The following GLIS3 variants were observed in gnomAD, a reference collection of about 807,000 sequenced individuals.
GLIS3 encodes GLIS family zinc finger 3.
Under a neutral mutation model 78.6 loss-of-function variants are expected in GLIS3, and 53 were observed. That is an observed-to-expected ratio of 0.67 (90% CI 0.54 to 0.85). The LOEUF (loss-of-function observed/expected upper bound fraction) is 0.85, where lower values mean the gene tolerates loss of function less well. Among genes scored for constraint, GLIS3 ranks in the 40% least tolerant of loss-of-function variants. The pLI is 0.00. For missense variants in GLIS3, 1,703 were observed against 1,231.1 expected, an observed-to-expected ratio of 1.38 and a Z score of -5.74; for synonymous variants, 684 against 509.9, an observed-to-expected ratio of 1.34 and a Z score of -4.60.
chr9:4,408,075 G>C, the GLIS3 span, among the ~76,000 whole-genome samples: 1 of 152,132 alleles, frequency 6.6e-6, no homozygotes, highest in Non-Finnish European at 1.5e-5. Flanking sequence ...GATATCGTAT[G>C]ACCCCAGTTA....
At chr9:3,960,536 G>C (rs548236242) in intron 4 of GLIS3, among the ~76,000 whole-genome samples, 95 of 152,266 alleles carry the variant, frequency 6.2e-4, no homozygotes, top group Non-Finnish European at 1.2e-3. Context: ...GTCTTCTCTT[G>C]CTTTGTTCAT....
intron 2 of GLIS3, among the ~76,000 whole-genome samples, chr9:4,280,752 C>A (rs1563889931): frequency 6.6e-6 from 1 of 151,904 alleles, no homozygotes; most frequent in African/African-American, 2.4e-5. Flanking sequence ...TTCCTCCTCA[C>A]TCTTCTCAGA....
At chr9:4,089,813 G>C (rs1010315461) in intron 4 of GLIS3, among the ~76,000 whole-genome samples, 1 of 152,036 alleles carries the variant, frequency 6.6e-6, no homozygotes, top group Non-Finnish European at 1.5e-5. Context: ...ACAAGACCCT[G>C]ACAAAAACAA....
At chr9:3,869,665 C>T (rs1456973801) in intron 8 of GLIS3, among the ~76,000 whole-genome samples, 1 of 152,178 alleles carries the variant, frequency 6.6e-6, no homozygotes, top group Non-Finnish European at 1.5e-5. Flanking sequence ...CTGGGACCTG[C>T]CAATGACCTC....
At chr9:3,907,004 C>T (rs949608181) in intron 6 of GLIS3, among the ~76,000 whole-genome samples, 4 of 152,182 alleles carry the variant, frequency 2.6e-5, no homozygotes, top group South Asian at 2.1e-4. Context: ...GAAACCTCCC[C>T]TGACCAGACC....
At chr9:3,883,373 T>C (rs1278557522) in intron 7 of GLIS3, among the ~76,000 whole-genome samples, 2 of 152,240 alleles carry the variant, frequency 1.3e-5, no homozygotes, top group Non-Finnish European at 2.9e-5. Flanking sequence ...AGTCTGAATA[T>C]CTGCCGACTT....
At chr9:4,188,120 A>C (rs1385145575) in intron 2 of GLIS3, among the ~76,000 whole-genome samples, 1 of 151,350 alleles carries the variant, frequency 6.6e-6, no homozygotes, top group Non-Finnish European at 1.5e-5. Context: ...TCAGTATGAT[A>C]TTGGCTGTGG....
chr9:4,314,080 G>T (rs375562979), intron 2 of GLIS3, among the ~76,000 whole-genome samples: 1 of 152,192 alleles, frequency 6.6e-6, no homozygotes, highest in Admixed American at 6.5e-5. Flanking sequence ...GTGACCCGGG[G>T]CAAGTAACTT....
chr9:4,011,609 T>C (rs1563945894), intron 4 of GLIS3, among the ~76,000 whole-genome samples: 1 of 152,192 alleles, frequency 6.6e-6, no homozygotes, highest in African/African-American at 2.4e-5. Flanking sequence ...ACCTGCTGAA[T>C]AGTGGCGAAC....
chr9:4,088,101 C>A (rs985842640), intron 4 of GLIS3, among the ~76,000 whole-genome samples: 2 of 152,092 alleles, frequency 1.3e-5, no homozygotes, highest in African/African-American at 4.8e-5. Context: ...TTGTCTTCAA[C>A]CCCAACATAA....
chr9:4,196,080 ACT>A (rs1308352596), intron 2 of GLIS3, among the ~76,000 whole-genome samples: 1 of 149,926 alleles, frequency 6.7e-6, no homozygotes, highest in Non-Finnish European at 1.5e-5. Context: ...ACCAATCAGC[ACT>A]CTGTCTAGCT....
At chr9:4,464,387 T>C in the GLIS3 span, among the ~76,000 whole-genome samples, 4 of 151,580 alleles carry the variant, frequency 2.6e-5, no homozygotes, top group African/African-American at 9.7e-5. Context: ...AATTTTATTT[T>C]TTTAATTTTA....
chr9:4,410,072 G>C, the GLIS3 span, among the ~76,000 whole-genome samples: 1 of 151,946 alleles, frequency 6.6e-6, no homozygotes, highest in Non-Finnish European at 1.5e-5. Flanking sequence ...CCAGATTCAA[G>C]TGATCCTAGT....
the GLIS3 span, among the ~76,000 whole-genome samples, chr9:4,434,491 A>C: frequency 6.6e-6 from 1 of 152,196 alleles, no homozygotes; most frequent in African/African-American, 2.4e-5. Flanking sequence ...GGAGAATGAG[A>C]AAATAGCATC....
the GLIS3 span, among the ~76,000 whole-genome samples, chr9:4,438,167 T>C: frequency 6.6e-6 from 1 of 152,238 alleles, no homozygotes; most frequent in South Asian, 2.1e-4. Flanking sequence ...CTTTTGAATT[T>C]TGGAAATTTA....
chr9:3,829,268 G>C (rs753836021), intron 10 of GLIS3, 42 bp downstream of exon 10: 5 of 1,589,044 alleles, frequency 3.1e-6, no homozygotes, highest in Non-Finnish European at 4.3e-6. Context: ...GGTCTCTCCT[G>C]TCAGTTGACA....
intron 2 of GLIS3, among the ~76,000 whole-genome samples, chr9:4,256,399 C>T (rs1258932349): frequency 1.3e-5 from 2 of 152,082 alleles, no homozygotes; most frequent in African/African-American, 4.8e-5. Flanking sequence ...ACTTTAGTAA[C>T]AATCAATGAA....
rs1017775649 is a variant in GLIS3 at position 4,195,700 on chromosome 9, C to A, written c.389-69759G>T. On this transcript the variant is annotated intron_variant, in intron 2 of 10. Coordinates refer to ENST00000381971, the MANE Select transcript of GLIS3 (RefSeq NM_001042413.2). ...CACTGGCGGGCAGCTCCGCCCATGG[C>A]CACAGCGCGGGATCCACTAGGCGAA... Among the ~76,000 whole-genome samples the A allele has an allele frequency of 2.6e-5, 4 of 152,262 alleles. No homozygotes were observed. In the East Asian group the frequency reaches 7.7e-4, roughly 29 times the overall value.
At chr9:4,050,938 A>C (rs1190793088) in intron 4 of GLIS3, among the ~76,000 whole-genome samples, 4 of 152,110 alleles carry the variant, frequency 2.6e-5, no homozygotes, top group Non-Finnish European at 5.9e-5. Flanking sequence ...GGGAAGCTGA[A>C]GGTTTCACAA....
Sources: allele counts gnomAD v4.1 joint callset (sites outside exome capture counted in the v4.1 genomes callset), GRCh38; gene constraint gnomAD v4.1.1; transcripts MANE v1.5; gene names NCBI Gene and HGNC (gene_info 2026-07-23, HGNC 2026-07-21).